KCNJ3: variants seen among roughly 807,000 people sequenced by gnomAD.
KCNJ3 encodes the protein potassium inwardly rectifying channel subfamily J member 3.
A neutral mutation model predicts 39.2 loss-of-function variants in KCNJ3; 4 were observed. The ratio of observed to expected loss-of-function variants is 0.10; its 90% CI spans 0.05 to 0.23. KCNJ3 has a LOEUF of 0.23. Among genes scored for constraint, KCNJ3 ranks in the 10% least tolerant of loss-of-function variants. The pLI, the probability that KCNJ3 is intolerant of heterozygous loss-of-function variation, is 1.00. For synonymous variants in KCNJ3, 230 were observed against 237.4 expected (o/e 0.97, Z 0.29); for missense variants, 276 against 634.9 (o/e 0.43, Z 6.08).
chr2:154,745,075 G>A (rs1201467054), intron 2 of KCNJ3, among the ~76,000 whole-genome samples: 1 of 151,838 alleles, frequency 6.6e-6, no homozygotes, highest in Non-Finnish European at 1.5e-5. Flanking sequence ...ATTCCATTGT[G>A]TTCAGGGAAC....
chr2:154,745,754 C>T (rs527642955), intron 2 of KCNJ3, among the ~76,000 whole-genome samples: 12 of 152,030 alleles, frequency 7.9e-5, no homozygotes, highest in African/African-American at 2.9e-4. Flanking sequence ...CAGTTGAAAC[C>T]TGGACATTAA....
intron 2 of KCNJ3, among the ~76,000 whole-genome samples, chr2:154,839,834 A>G (rs987505051): frequency 4.6e-5 from 7 of 152,110 alleles, no homozygotes; most frequent in African/African-American, 1.7e-4. Context: ...TCCGGATGTT[A>G]GCCCTTTGCC....
intron 2 of KCNJ3, among the ~76,000 whole-genome samples, chr2:154,729,079 T>G (rs191231067): frequency 3.3e-5 from 5 of 152,280 alleles, no homozygotes; most frequent in Non-Finnish European, 7.4e-5. Context: ...TACCAATTTC[T>G]TAAATAAATT....
chr2:154,851,553 T>C (rs1312474281), intron 2 of KCNJ3, among the ~76,000 whole-genome samples: 1 of 152,234 alleles, frequency 6.6e-6, no homozygotes. Context: ...GAGAGAGCTT[T>C]AGGTAATTTT....
rs1443203205 is a variant in KCNJ3, at chr2:154,699,722, T to A, written c.702+245T>A. 1 of 189,958 alleles carries A rather than the reference T, an allele frequency of 5.3e-6. No homozygotes were observed. Among genetic ancestry groups the A allele is most frequent in the East Asian group, 1.9e-4 (1 of 5,298 alleles). The allele number at this position is 189,958 out of a possible 1,614,324, so 11.8% of individuals were successfully genotyped here. A position where few individuals can be genotyped will look rare whatever the true frequency, so the allele number is the denominator to read the frequency against. On this transcript the variant is annotated intron_variant, in intron 1 of 2. Coordinates refer to ENST00000295101, the MANE Select transcript of KCNJ3 (RefSeq NM_002239.4). The surrounding 1 kb of genome is among the most constrained non-coding windows in gnomAD (Gnocchi z 6.4). ...TTTCGGATCTGCTTGTATCACTTAC[T>A]GGACTAGTAACACGTGAGGACTGCT...
intron 2 of KCNJ3, among the ~76,000 whole-genome samples, chr2:154,762,369 A>G (rs1686060841): frequency 6.6e-6 from 1 of 152,244 alleles, no homozygotes; most frequent in Non-Finnish European, 1.5e-5. Flanking sequence ...ACATTAATCT[A>G]GAAGTAGAGG....
chr2:154,800,205 C>T (rs1686788652), intron 2 of KCNJ3, among the ~76,000 whole-genome samples: 1 of 152,188 alleles, frequency 6.6e-6, no homozygotes, highest in Admixed American at 6.6e-5. Flanking sequence ...GACCTCTTTG[C>T]CTCCAGCTCT....
chr2:154,699,364 A>G lies in KCNJ3; in HGVS notation c.589A>G (p.Ser197Gly). The G allele has an allele frequency of 6.2e-7, 1 of 1,612,460 alleles. No homozygotes were observed. Among genetic ancestry groups the G allele is most frequent in the Non-Finnish European group, 8.5e-7 (1 of 1,180,022 alleles). ...GAAGCGCGCCGAGACCCTCATGTTCAGCGAGCACGCGGTGATCTCCATGAG... is the reference window on the plus strand; with the variant it reads ...GAAGCGCGCCGAGACCCTCATGTTCGGCGAGCACGCGGTGATCTCCATGAG... Reference protein sequence around the residue: ...PKKRAETLMFSEHAVISMRDG... With the variant: ...PKKRAETLMFGEHAVISMRDG... Residue 197 changes from serine to glycine, a missense_variant, in exon 1 of 3, where the codon AGC (serine) becomes GGC (glycine). Ser to Gly is a moderately conservative substitution (Grantham distance 56). This residue lies in a region of KCNJ3 where 77 missense variants were observed against 200.0 expected (regional missense o/e 0.38). Transcript: ENST00000295101. This position sits in a 1 kb window ranked among gnomAD's most constrained non-coding sequence, Gnocchi z 6.4.
chr2:154,733,216 C>T (rs565381553), intron 2 of KCNJ3, among the ~76,000 whole-genome samples: 4 of 151,754 alleles, frequency 2.6e-5, no homozygotes, highest in Non-Finnish European at 4.4e-5. Flanking sequence ...AACTAACTAC[C>T]CTTAAACCTA....
intron 2 of KCNJ3, among the ~76,000 whole-genome samples, chr2:154,844,072 T>C (rs1687624665): frequency 6.6e-6 from 1 of 152,242 alleles, no homozygotes; most frequent in Non-Finnish European, 1.5e-5. Context: ...TCTCCCCATC[T>C]TTGTGGTTTT....
At chr2:154,828,096 G>A (rs1687300157) in intron 2 of KCNJ3, among the ~76,000 whole-genome samples, 1 of 151,424 alleles carries the variant, frequency 6.6e-6, no homozygotes, top group Non-Finnish European at 1.5e-5. Flanking sequence ...TTGTAGTTAT[G>A]CTAAAACTAA....
At chr2:154,756,725 C>CAG (rs1685943093) in intron 2 of KCNJ3, among the ~76,000 whole-genome samples, 1 of 151,714 alleles carries the variant, frequency 6.6e-6, no homozygotes, top group African/African-American at 2.4e-5. Flanking sequence ...CAGACCTGCA[C>CAG]GTCCTGCACA....
chr2:154,758,874 A>G (rs1365484484), intron 2 of KCNJ3, among the ~76,000 whole-genome samples: 2 of 152,206 alleles, frequency 1.3e-5, no homozygotes, highest in Non-Finnish European at 2.9e-5. Context: ...TTTTAAGGAA[A>G]AGGGTGTTCT....
chr2:154,748,574 A>G (rs16838071), intron 2 of KCNJ3, among the ~76,000 whole-genome samples: 9,135 of 152,010 alleles, frequency 0.06, 621 homozygotes, highest in African/African-American at 0.16. Flanking sequence ...TTGGAACCAA[A>G]CTCATCCAAT....
At chr2:154,764,199 A>C (rs530126142) in intron 2 of KCNJ3, among the ~76,000 whole-genome samples, 1 of 152,332 alleles carries the variant, frequency 6.6e-6, no homozygotes, top group East Asian at 1.9e-4. Flanking sequence ...AAGAGTAATG[A>C]AAGTGTTTAT....
intron 2 of KCNJ3, among the ~76,000 whole-genome samples, chr2:154,718,249 A>G (rs985115723): frequency 3.9e-5 from 6 of 152,166 alleles, no homozygotes; most frequent in Admixed American, 3.3e-4. Flanking sequence ...TCAGTAATTC[A>G]TAGGTCAAAA....
At chr2:154,744,716 T>C (rs1263204664) in intron 2 of KCNJ3, among the ~76,000 whole-genome samples, 3 of 151,892 alleles carry the variant, frequency 2.0e-5, no homozygotes, top group African/African-American at 7.2e-5. Context: ...CTCTCTTTCT[T>C]TGCTAAAGGT....
chr2:154,746,798 A>G (rs1004829267), intron 2 of KCNJ3, among the ~76,000 whole-genome samples: 1 of 151,880 alleles, frequency 6.6e-6, no homozygotes, highest in African/African-American at 2.4e-5. Flanking sequence ...AAACTCTTCT[A>G]CTTGGAGGTT....
chr2:154,804,034 A>T (rs1686867607), intron 2 of KCNJ3, among the ~76,000 whole-genome samples: 1 of 152,122 alleles, frequency 6.6e-6, no homozygotes, highest in Admixed American at 6.6e-5. Context: ...ATTTCTAAAA[A>T]TGATTTCAGT....
Sources: allele counts gnomAD v4.1 joint callset (sites outside exome capture counted in the v4.1 genomes callset), GRCh38; gene constraint gnomAD v4.1.1; regional missense constraint gnomAD v4.1.1; non-coding constraint Gnocchi (gnomAD v3.1); transcripts MANE v1.5; gene names NCBI Gene and HGNC (gene_info 2026-07-23, HGNC 2026-07-21).